The following EPB41L4A variants were observed in gnomAD, a reference collection of about 807,000 sequenced individuals.
EPB41L4A encodes the protein erythrocyte membrane protein band 4.1 like 4A.
EPB41L4A carries 100 observed loss-of-function variants against 108.6 expected under a neutral mutation model. The observed-to-expected ratio is 0.92, with a 90% CI of 0.78 to 1.09. EPB41L4A has a LOEUF of 1.09. EPB41L4A is among the 50% of genes least tolerant of loss of function. The probability of loss-of-function intolerance (pLI) is 0.00; values close to 1 mark genes in which losing one functional copy is unlikely to be tolerated. For synonymous variants in EPB41L4A, 319 were observed against 289.0 expected (o/e 1.10, Z -1.05); for missense variants, 1,030 against 842.7 (o/e 1.22, Z -2.75).
chr5:112,175,581 G>A (rs1760818897), intron 18 of EPB41L4A: 1 of 152,090 alleles, frequency 6.6e-6, no homozygotes, highest in African/African-American at 2.4e-5. Flanking sequence ...ATATACTGCA[G>A]TAGGAATTTA....
chr5:112,250,449 C>CAGT (rs1363040551), intron 9 of EPB41L4A, among the ~76,000 whole-genome samples: 1 of 152,130 alleles, frequency 6.6e-6, no homozygotes, highest in Non-Finnish European at 1.5e-5. Flanking sequence ...CCTAAAAAGT[C>CAGT]AGTATTTCTC....
intron 1 of EPB41L4A, among the ~76,000 whole-genome samples, chr5:112,383,358 C>A (rs1007385876): frequency 2.0e-5 from 3 of 152,042 alleles, no homozygotes; most frequent in African/African-American, 7.2e-5. Flanking sequence ...TAAAACGTAA[C>A]CAAAAAATGT....
intron 22 of EPB41L4A, among the ~76,000 whole-genome samples, chr5:112,165,926 A>C (rs1270948913): frequency 1.3e-5 from 2 of 152,230 alleles, no homozygotes; most frequent in African/African-American, 4.8e-5. Context: ...CTGATGGAAT[A>C]ATTATTCTGC....
intron 15 of EPB41L4A, among the ~76,000 whole-genome samples, chr5:112,197,477 T>A (rs1279181600): frequency 6.6e-6 from 1 of 152,230 alleles, no homozygotes; most frequent in Non-Finnish European, 1.5e-5. Context: ...CCGAAATTGG[T>A]CACAGACGAT....
chr5:112,193,009 C>G (rs1398422003), intron 17 of EPB41L4A, among the ~76,000 whole-genome samples: 1 of 152,202 alleles, frequency 6.6e-6, no homozygotes, highest in Non-Finnish European at 1.5e-5. Flanking sequence ...AAGGAGCTAC[C>G]TCCCACATAT....
intron 1 of EPB41L4A, among the ~76,000 whole-genome samples, chr5:112,325,174 G>A (rs944035391): frequency 6.6e-6 from 1 of 152,222 alleles, no homozygotes; most frequent in African/African-American, 2.4e-5. Flanking sequence ...GGGCGCGGTG[G>A]CTCACGCCTG....
At chr5:112,383,144 T>C (rs1265110710) in intron 1 of EPB41L4A, among the ~76,000 whole-genome samples, 2 of 152,204 alleles carry the variant, frequency 1.3e-5, no homozygotes, top group Non-Finnish European at 2.9e-5. Flanking sequence ...CCATTTAATG[T>C]AACTTAGGCA....
At chr5:112,337,349 T>C in intron 1 of EPB41L4A, among the ~76,000 whole-genome samples, 1 of 152,218 alleles carries the variant, frequency 6.6e-6, no homozygotes, top group East Asian at 1.9e-4. Context: ...ACATCCCCTA[T>C]GTCAAACGTT....
chr5:112,393,983 A>T (rs1761147290), intron 1 of EPB41L4A, among the ~76,000 whole-genome samples: 1 of 152,230 alleles, frequency 6.6e-6, no homozygotes, highest in Non-Finnish European at 1.5e-5. Flanking sequence ...AACCAAAGAC[A>T]AAAATCACAT....
chr5:112,267,578 C>T (rs1273686097), intron 4 of EPB41L4A, among the ~76,000 whole-genome samples: 1 of 152,168 alleles, frequency 6.6e-6, no homozygotes, highest in African/African-American at 2.4e-5. Flanking sequence ...TGTAATCATC[C>T]CTGGCACCCA....
At chr5:112,342,438 C>A (rs77114689) in intron 1 of EPB41L4A, among the ~76,000 whole-genome samples, 2,309 of 152,310 alleles carry the variant, frequency 0.015, 69 homozygotes, top group African/African-American at 0.052. Context: ...AGGTAACAGG[C>A]AGTCCTGACA....
chr5:112,235,071 TA>T (rs1196487815), intron 11 of EPB41L4A, among the ~76,000 whole-genome samples: 2 of 152,128 alleles, frequency 1.3e-5, no homozygotes, highest in Non-Finnish European at 2.9e-5. Context: ...CACTAAATAA[TA>T]AAGAAATTAA....
intron 1 of EPB41L4A, among the ~76,000 whole-genome samples, chr5:112,357,040 G>A (rs955740727): frequency 6.6e-6 from 1 of 152,180 alleles, no homozygotes; most frequent in East Asian, 1.9e-4. Context: ...GTAGGGCCCA[G>A]AGCGAGAGAT....
At chr5:112,273,093 CAT>C (rs1752377852) in intron 4 of EPB41L4A, among the ~76,000 whole-genome samples, 1 of 152,184 alleles carries the variant, frequency 6.6e-6, no homozygotes, top group African/African-American at 2.4e-5. Flanking sequence ...AAAATTATCT[CAT>C]GTGACTCCTC....
intron 11 of EPB41L4A, among the ~76,000 whole-genome samples, chr5:112,238,764 T>C (rs994625915): frequency 3.9e-5 from 6 of 152,186 alleles, no homozygotes; most frequent in African/African-American, 9.6e-5. Context: ...AAGGCAGAAG[T>C]GGGTAGATCT....
At chr5:112,149,958 GTC>G (rs1561428675) in intron 12 of EPB41L4A, among the ~76,000 whole-genome samples, 1 of 152,148 alleles carries the variant, frequency 6.6e-6, no homozygotes, top group Admixed American at 6.5e-5. Flanking sequence ...CACGCATAAC[GTC>G]TGTTCCCTGA....
intron 1 of EPB41L4A, among the ~76,000 whole-genome samples, chr5:112,413,655 T>G (rs1275617742): frequency 6.6e-6 from 1 of 152,182 alleles, no homozygotes; most frequent in African/African-American, 2.4e-5. Context: ...CTCCGCTTGG[T>G]CAGGCAGAAG....
intron 3 of EPB41L4A, among the ~76,000 whole-genome samples, chr5:112,277,733 C>T (rs1752706073): frequency 6.6e-6 from 1 of 152,132 alleles, no homozygotes; most frequent in Non-Finnish European, 1.5e-5. Flanking sequence ...ATATGCATCA[C>T]TGTTTCAGAA....
chr5:112,283,187 A>G (rs984156233), intron 2 of EPB41L4A, among the ~76,000 whole-genome samples: 2 of 152,236 alleles, frequency 1.3e-5, no homozygotes, highest in African/African-American at 4.8e-5. Context: ...AGACTCAGTC[A>G]AAGGCTATTC....
Sources: gnomAD v4.1 joint callset for allele counts (sites outside exome capture counted in the v4.1 genomes callset) on GRCh38, gnomAD v4.1.1 for gene constraint, MANE v1.5 for transcripts, NCBI Gene and HGNC (gene_info 2026-07-23, HGNC 2026-07-21) for gene names.